Variants in CNTNAP5 observed in about 807,000 individuals in gnomAD.
The protein encoded by CNTNAP5 is contactin-associated protein-like 5.
CNTNAP5 carries 72 observed loss-of-function variants against 150.2 expected under a neutral mutation model. The ratio of observed to expected loss-of-function variants is 0.48; its 90% CI spans 0.40 to 0.58. CNTNAP5 has a LOEUF of 0.58. Among genes scored for constraint, CNTNAP5 ranks in the 20% least tolerant of loss-of-function variants. The pLI is 0.00. For synonymous variants in CNTNAP5, 672 were observed against 619.8 expected, an observed-to-expected ratio of 1.08 and a Z score of -1.25; for missense variants, 1,636 against 1,626.2, an observed-to-expected ratio of 1.01 and a Z score of -0.10.
chr2:124,841,643 A>C (rs1264512364), intron 19 of CNTNAP5, among the ~76,000 whole-genome samples: 3 of 152,098 alleles, frequency 2.0e-5, no homozygotes, highest in Non-Finnish European at 2.9e-5. Context: ...TGTTATGAGT[A>C]ACTCATCACT....
chr2:124,198,539 A>G (rs1685645137), intron 1 of CNTNAP5, among the ~76,000 whole-genome samples: 1 of 152,068 alleles, frequency 6.6e-6, no homozygotes, highest in South Asian at 2.1e-4. Flanking sequence ...AGTACCCAAT[A>G]GGTAGTTTTT....
chr2:124,434,996 A>G (rs1408655674), intron 5 of CNTNAP5, among the ~76,000 whole-genome samples: 1 of 152,214 alleles, frequency 6.6e-6, no homozygotes, highest in Non-Finnish European at 1.5e-5. Flanking sequence ...CACATATTAT[A>G]AGGAGGCTTG....
chr2:124,034,969 A>G (rs1184163640), intron 1 of CNTNAP5, among the ~76,000 whole-genome samples: 2 of 151,810 alleles, frequency 1.3e-5, no homozygotes, highest in South Asian at 2.1e-4. Flanking sequence ...ATGAGTTATT[A>G]AGACATGTTA....
intron 1 of CNTNAP5, among the ~76,000 whole-genome samples, chr2:124,061,393 C>T (rs937688576): frequency 1.3e-5 from 2 of 152,066 alleles, no homozygotes; most frequent in African/African-American, 4.8e-5. Flanking sequence ...TAGTGGTATT[C>T]ATCATTTCAC....
intron 3 of CNTNAP5, among the ~76,000 whole-genome samples, chr2:124,343,635 C>T (rs1689669819): frequency 6.6e-6 from 1 of 152,144 alleles, no homozygotes. Flanking sequence ...GAAACTTTTA[C>T]TCTTTGGTAA....
At chr2:124,447,836 G>A (rs918210397) in intron 6 of CNTNAP5, among the ~76,000 whole-genome samples, 4 of 152,148 alleles carry the variant, frequency 2.6e-5, no homozygotes, top group Non-Finnish European at 5.9e-5. Context: ...TTCAAAAAAT[G>A]TCAAACAGTC....
At chr2:124,777,791 G>A (rs1438432723) in intron 17 of CNTNAP5, among the ~76,000 whole-genome samples, 4 of 149,700 alleles carry the variant, frequency 2.7e-5, no homozygotes, top group Non-Finnish European at 5.9e-5. Flanking sequence ...GTGTGTGTGT[G>A]TGTGTGTGTG....
At chr2:124,788,555 G>T (rs1448263978) in intron 17 of CNTNAP5, among the ~76,000 whole-genome samples, 5 of 151,556 alleles carry the variant, frequency 3.3e-5, no homozygotes, top group Non-Finnish European at 5.9e-5. Flanking sequence ...GATTGAACAG[G>T]TATTGTATTC....
intron 19 of CNTNAP5, among the ~76,000 whole-genome samples, chr2:124,831,614 A>T (rs900960727): frequency 2.0e-5 from 3 of 150,868 alleles, no homozygotes; most frequent in African/African-American, 7.3e-5. Flanking sequence ...AGGAAGCAAG[A>T]TCTTGAATTG....
chr2:124,231,836 C>T (rs1686628847), intron 2 of CNTNAP5, among the ~76,000 whole-genome samples: 1 of 151,984 alleles, frequency 6.6e-6, no homozygotes, highest in Non-Finnish European at 1.5e-5. Context: ...ATGTGATAGC[C>T]CTCTATTCAG....
At chr2:124,479,580 T>C (rs1693719315) in intron 7 of CNTNAP5, among the ~76,000 whole-genome samples, 1 of 152,220 alleles carries the variant, frequency 6.6e-6, no homozygotes, top group Non-Finnish European at 1.5e-5. Flanking sequence ...TGTCAATTCA[T>C]TTCTGTACCT....
chr2:124,630,042 C>A (rs1325424511), intron 12 of CNTNAP5, among the ~76,000 whole-genome samples: 1 of 150,540 alleles, frequency 6.6e-6, no homozygotes, highest in Non-Finnish European at 1.5e-5. Flanking sequence ...CCTGAATAGA[C>A]CAATATCAAG....
At chr2:124,811,688 T>C (rs1455222692) in intron 19 of CNTNAP5, among the ~76,000 whole-genome samples, 1 of 104,686 alleles carries the variant, frequency 9.6e-6, no homozygotes, top group African/African-American at 4.1e-5. Flanking sequence ...ATGCCTGTAA[T>C]CCCATCACTT....
chr2:124,818,350 G>A (rs542946165), intron 19 of CNTNAP5, among the ~76,000 whole-genome samples: 1 of 151,936 alleles, frequency 6.6e-6, no homozygotes, highest in Non-Finnish European at 1.5e-5. Flanking sequence ...AGAGACCCCC[G>A]CCTTTACAAA....
intron 19 of CNTNAP5, among the ~76,000 whole-genome samples, chr2:124,813,101 G>A (rs1682273485): frequency 6.6e-6 from 1 of 151,760 alleles, no homozygotes; most frequent in Admixed American, 6.6e-5. Flanking sequence ...TTTTGTGATG[G>A]AGTCTTGCTC....
chr2:124,517,653 G>T (rs1158476524), intron 8 of CNTNAP5, among the ~76,000 whole-genome samples: 2 of 150,366 alleles, frequency 1.3e-5, no homozygotes, highest in Non-Finnish European at 1.5e-5. Flanking sequence ...GATGATGGAG[G>T]GTTGTAGTGT....
chr2:124,415,777 A>G (rs1418637509), intron 3 of CNTNAP5, among the ~76,000 whole-genome samples: 1 of 152,190 alleles, frequency 6.6e-6, no homozygotes, highest in African/African-American at 2.4e-5. Flanking sequence ...TGGTTATACG[A>G]CAACGTGAAT....
intron 1 of CNTNAP5, among the ~76,000 whole-genome samples, chr2:124,057,110 G>C (rs1558740228): frequency 6.6e-6 from 1 of 151,874 alleles, no homozygotes; most frequent in African/African-American, 2.4e-5. Context: ...ATCACAATTG[G>C]GAAGGACCCA....
intron 13 of CNTNAP5, among the ~76,000 whole-genome samples, chr2:124,649,533 A>G (rs1246127825): frequency 6.6e-6 from 1 of 152,148 alleles, no homozygotes; most frequent in African/African-American, 2.4e-5. Flanking sequence ...GCACTCCGTG[A>G]TATCAATTTG....
Sources: gnomAD v4.1 joint callset for allele counts (sites outside exome capture counted in the v4.1 genomes callset) on GRCh38, gnomAD v4.1.1 for gene constraint, MANE v1.5 for transcripts, NCBI Gene and HGNC (gene_info 2026-07-23, HGNC 2026-07-21) for gene names.